Variants in ITCH observed in about 807,000 individuals in gnomAD.
ITCH encodes the protein itchy E3 ubiquitin protein ligase, also known as E3 ubiquitin-protein ligase Itchy homolog.
Under a neutral mutation model 126.8 loss-of-function variants are expected in ITCH, and 28 were observed. That is an observed-to-expected ratio of 0.22 (90% confidence interval 0.16 to 0.30). The LOEUF is 0.30. ITCH is among the 10% of genes least tolerant of loss of function. ITCH has a pLI of 1.00. For missense variants in ITCH, 631 were observed against 1,032.4 expected (o/e 0.61, Z 5.33); for synonymous variants, 342 against 340.0 (o/e 1.01, Z -0.06).
chr20:34,413,904 T>C lies in ITCH; in HGVS notation c.475+25T>C, dbSNP rs1979421883. 6 of 1,577,792 alleles carry C rather than the reference T, an allele frequency of 3.8e-6. No homozygotes were observed. In the East Asian group the frequency reaches 1.3e-4, roughly 35 times the overall value. Reference sequence around the variant, plus strand: ...AGTAAGTGACTACCTTTTTAAGGTCTTTAATGATTCTTCTTAAATAAAATA... The same window carrying C: ...AGTAAGTGACTACCTTTTTAAGGTCCTTAATGATTCTTCTTAAATAAAATA... On this transcript the variant is annotated intron_variant, in intron 6 of 24. Transcript: ENST00000374864.
intron 8 of ITCH, among the ~76,000 whole-genome samples, chr20:34,438,872 A>G (rs1295166868): frequency 6.6e-6 from 1 of 152,204 alleles, no homozygotes; most frequent in Non-Finnish European, 1.5e-5. Flanking sequence ...CGTAATATAA[A>G]GTATAGGCGG....
intron 2 of ITCH, among the ~76,000 whole-genome samples, chr20:34,371,059 T>G (rs1261720968): frequency 6.7e-6 from 1 of 149,970 alleles, no homozygotes; most frequent in East Asian, 2.1e-4. Context: ...TCCCAGCTAC[T>G]CAGGAGGCTG....
rs1272436648 is a variant in ITCH at position 34,424,967 on chromosome 20, T to C, written c.521+442T>C. 2.0e-5 allele frequency among the ~76,000 whole-genome samples: 3 copies of C among 152,352 alleles called. No homozygotes were observed. The East Asian group carries it at 5.8e-4, about 29-fold the overall frequency. On this transcript the variant is annotated intron_variant, in intron 7 of 24. Transcript: ENST00000374864. Reference sequence around the variant, plus strand: ...TGTTAGCCCAGGTTTAGCACTTTCATGTGCCTATCTGCGTTCAAGTTTGGA... The same window carrying C: ...TGTTAGCCCAGGTTTAGCACTTTCACGTGCCTATCTGCGTTCAAGTTTGGA...
intron 12 of ITCH, among the ~76,000 whole-genome samples, chr20:34,455,551 G>A (rs983760326): frequency 6.7e-5 from 10 of 149,958 alleles, no homozygotes; most frequent in African/African-American, 2.5e-4. Context: ...TAACCTCTGC[G>A]TCCCGGGTTC....
At chr20:34,490,437 G>A (rs182470882) in intron 22 of ITCH, among the ~76,000 whole-genome samples, 8 of 152,182 alleles carry the variant, frequency 5.3e-5, no homozygotes, top group African/African-American at 1.9e-4. Context: ...TTGGGAGGCT[G>A]AGGCGGGTGG....
At chr20:34,395,387 G>A (rs2038639693) in intron 3 of ITCH, among the ~76,000 whole-genome samples, 1 of 152,148 alleles carries the variant, frequency 6.6e-6, no homozygotes, top group South Asian at 2.1e-4. Context: ...ACAACTTCAT[G>A]CTGTACTTTG....
At position 34,506,754 on chromosome 20, in the gene ITCH, C is replaced by T. The variant is rs150403993; in HGVS notation, c.2490-941C>T. 4.0e-3 allele frequency among the ~76,000 whole-genome samples: 602 copies of T among 152,302 alleles called. 4 individuals are homozygous for T. Among genetic ancestry groups the T allele is most frequent in the South Asian group, 0.028 (135 of 4,832 alleles). ...CCCCATGACTCCCTTTCCCCAGGTC[C>T]TGGCAAACATCATTCTACTACTGTT... On this transcript the variant is annotated intron_variant, in intron 24 of 24. Transcript: ENST00000374864.
At chr20:34,471,591 C>G (rs1402858066) in intron 16 of ITCH, 76 bp downstream of exon 16, 2 of 918,198 alleles carry the variant, frequency 2.2e-6, no homozygotes, top group African/African-American at 3.3e-5. Context: ...TCAGTTTAAT[C>G]TGAATGGTTT....
rs757701574 is a variant in ITCH at position 34,507,836 on chromosome 20, C to G, written c.*42C>G. On this transcript the variant is annotated 3_prime_UTR_variant, in exon 25 of 25. Transcript: ENST00000374864. The stretch of plus-strand genomic sequence containing the variant: ...CCATGAATGGGCAAGAACTTATTTG[C>G]AATGTTTGTCCTTCTCTGCCTGTTG... 1 of 1,420,416 alleles carries G rather than the reference C, an allele frequency of 7.0e-7. No individual in the cohort carries two copies. The allele number at this position is 1,420,416 out of a possible 1,614,324, so 88.0% of individuals were successfully genotyped here. A position where few individuals can be genotyped will look rare whatever the true frequency, so the allele number is the denominator to read the frequency against.
intron 24 of ITCH, among the ~76,000 whole-genome samples, chr20:34,505,032 TTTTGTTTG>T (rs567126398): frequency 3.9e-5 from 6 of 152,028 alleles, no homozygotes; most frequent in South Asian, 2.1e-4. Context: ...AGTGGGGTTT[TTTTGTTTG>T]TTTGTTTGTT....
At position 34,378,428 on chromosome 20, in the gene ITCH, G is replaced by A. The variant is rs548692356; in HGVS notation, c.-22+8958G>A. Among the ~76,000 whole-genome samples the A allele has an allele frequency of 1.6e-3, 224 of 135,774 alleles. 1 individual carries two copies. Among genetic ancestry groups the A allele is most frequent in the Non-Finnish European group, 2.9e-3 (190 of 66,162 alleles). The allele number at this position is 135,774 out of a possible 152,430, so 89.1% of individuals were successfully genotyped here. A position where few individuals can be genotyped will look rare whatever the true frequency, so the allele number is the denominator to read the frequency against. The stretch of plus-strand genomic sequence containing the variant: ...GCAGAGGTTGCAGTGAGCAGAGATT[G>A]CGCCATTGTACTCCAGCCTGGGCGA... On this transcript the variant is annotated intron_variant, in intron 2 of 24. Transcript: ENST00000374864.
intron 7 of ITCH, among the ~76,000 whole-genome samples, chr20:34,434,952 A>AT (rs1982812154): frequency 1.3e-5 from 2 of 152,026 alleles, no homozygotes; most frequent in Admixed American, 1.3e-4. Context: ...CACAATTTTA[A>AT]TTTTTTTCTA....
At position 34,393,781 on chromosome 20, in the gene ITCH, C is replaced by A. The variant is rs779509896; in HGVS notation, c.-21-10C>A. 5.9e-6 allele frequency: 9 copies of A among 1,530,908 alleles called. No homozygotes were observed. The highest frequency in any genetic ancestry group is 7.2e-6 in the Non-Finnish European group (8 of 1,104,226). The allele number at this position is 1,530,908 out of a possible 1,614,324, so 94.8% of individuals were successfully genotyped here. ...TTTGATGTTTACAGTGTCTCCTTTG[C>A]CATGTTCAGGTTTTCCAACCTATTG... On this transcript the variant is annotated splice_polypyrimidine_tract_variant and intron_variant, in intron 2 of 24. Transcript: ENST00000374864.
chr20:34,489,947 C>A (rs187160210), intron 22 of ITCH, 21 bp downstream of exon 22: 3 of 1,563,466 alleles, frequency 1.9e-6, no homozygotes, highest in Non-Finnish European at 2.6e-6. Flanking sequence ...AAATTTATTT[C>A]TATTAGTTGA....
intron 10 of ITCH, among the ~76,000 whole-genome samples, chr20:34,443,173 A>G (rs1983985726): frequency 6.6e-6 from 1 of 152,042 alleles, no homozygotes; most frequent in African/African-American, 2.4e-5. Context: ...TAATTGGGGA[A>G]GTTAAGGATA....
chr20:34,388,416 GC>G (rs899558669), intron 2 of ITCH, among the ~76,000 whole-genome samples: 2 of 151,608 alleles, frequency 1.3e-5, no homozygotes, highest in African/African-American at 4.8e-5. Context: ...ATGAGGTCTT[GC>G]TCTGTCGCCC....
chr20:34,366,266 A>G (rs73255036), intron 1 of ITCH, among the ~76,000 whole-genome samples: 2,958 of 152,128 alleles, frequency 0.019, 89 homozygotes, highest in African/African-American at 0.059. Context: ...TGTTGTTGAG[A>G]CTGGGTCTCA....
chr20:34,462,114 A>T lies in ITCH; in HGVS notation c.1317A>T (p.Leu439Phe). Residue 439 changes from leucine to phenylalanine, a missense_variant, in exon 14 of 25, where the codon TTA (leucine) becomes TTT (phenylalanine). Physicochemically the swap from Leu to Phe is conservative, Grantham distance 22. Around this residue, in one of 4 missense-constraint regions of ITCH, gnomAD observed 390 missense variants for 731.6 expected, o/e 0.53. Transcript: ENST00000374864. Reference sequence around the variant, plus strand: ...GTAGTCAATTAAATGAAAAGCCCTTACCTGAAGGTTGGGAAATGAGATTCA... The same window carrying T: ...GTAGTCAATTAAATGAAAAGCCCTTTCCTGAAGGTTGGGAAATGAGATTCA... ...RSQGQLNEKP[L>F]PEGWEMRFTV... The T allele has an allele frequency of 6.2e-7, 1 of 1,613,828 alleles. No homozygotes were observed. Among genetic ancestry groups the T allele is most frequent in the Non-Finnish European group, 8.5e-7 (1 of 1,179,782 alleles).
intron 14 of ITCH, among the ~76,000 whole-genome samples, chr20:34,469,774 C>T (rs1987446032): frequency 6.6e-6 from 1 of 152,146 alleles, no homozygotes; most frequent in East Asian, 1.9e-4. Context: ...ATAGAAACCC[C>T]TTTACTTAGC....
Sources: allele counts gnomAD v4.1 joint callset (sites outside exome capture counted in the v4.1 genomes callset), GRCh38; gene constraint gnomAD v4.1.1; regional missense constraint gnomAD v4.1.1; transcripts MANE v1.5; gene names NCBI Gene and HGNC (gene_info 2026-07-23, HGNC 2026-07-21).